The following SLC2A9 variants were observed in gnomAD, a reference collection of about 807,000 sequenced individuals.
SLC2A9 encodes the protein solute carrier family 2, facilitated glucose transporter member 9.
Under a neutral mutation model 50.6 loss-of-function variants are expected in SLC2A9, and 39 were observed. That is an observed-to-expected ratio of 0.77 (90% CI 0.60 to 1.01). The LOEUF (loss-of-function observed/expected upper bound fraction) is 1.01, where lower values mean the gene tolerates loss of function less well. SLC2A9 is among the 50% of genes least tolerant of loss of function. SLC2A9 has a pLI of 0.00. For synonymous variants in SLC2A9, 324 were observed against 276.9 expected, an observed-to-expected ratio of 1.17 and a Z score of -1.69; for missense variants, 686 against 677.6, an observed-to-expected ratio of 1.01 and a Z score of -0.14.
chr4:10,017,956 A>C (rs1290664359), intron 2 of SLC2A9, among the ~76,000 whole-genome samples: 2 of 151,390 alleles, frequency 1.3e-5, no homozygotes, highest in Admixed American at 6.6e-5. Flanking sequence ...CCCATCCATC[A>C]CTCCACCTTC....
chr4:9,969,703 A>G (rs1753590201), intron 5 of SLC2A9, among the ~76,000 whole-genome samples: 1 of 152,238 alleles, frequency 6.6e-6, no homozygotes, highest in African/African-American at 2.4e-5. Flanking sequence ...CATGTCTTAC[A>G]TGGCGGCAGG....
intron 10 of SLC2A9, among the ~76,000 whole-genome samples, chr4:9,872,904 T>C (rs1428146538): frequency 1.3e-5 from 2 of 152,254 alleles, no homozygotes; most frequent in African/African-American, 4.8e-5. Flanking sequence ...CTTTCAGCAA[T>C]GTGACCTCTC....
At chr4:10,031,572 T>G (rs536756672) in intron 1 of SLC2A9, among the ~76,000 whole-genome samples, 1 of 152,354 alleles carries the variant, frequency 6.6e-6, no homozygotes. Context: ...AAGCATCGTC[T>G]TAATGGGCAC....
At chr4:9,881,934 T>C (rs1317596329) in intron 10 of SLC2A9, among the ~76,000 whole-genome samples, 1 of 152,238 alleles carries the variant, frequency 6.6e-6, no homozygotes, top group Middle Eastern at 3.2e-3. Flanking sequence ...CATGTTGTGT[T>C]CCGCCTCAGT....
At chr4:9,874,048 C>T (rs1046715942) in intron 10 of SLC2A9, among the ~76,000 whole-genome samples, 3 of 152,134 alleles carry the variant, frequency 2.0e-5, no homozygotes, top group African/African-American at 7.2e-5. Flanking sequence ...GTGAGGCCCA[C>T]GATGATCTGG....
intron 7 of SLC2A9, among the ~76,000 whole-genome samples, chr4:9,910,787 G>A (rs1043120307): frequency 2.6e-5 from 4 of 152,224 alleles, no homozygotes; most frequent in Non-Finnish European, 5.9e-5. Flanking sequence ...TAGTAGGTTA[G>A]TGAAGAGAGT....
chr4:9,941,784 A>C, intron 6 of SLC2A9, 129 bp downstream of exon 6: 1 of 1,338,122 alleles, frequency 7.5e-7, no homozygotes, highest in East Asian at 2.5e-5. Flanking sequence ...TATGATACCC[A>C]GCCCAGTGCC....
At chr4:9,891,717 T>C (rs1363298769) in intron 8 of SLC2A9, among the ~76,000 whole-genome samples, 2 of 152,134 alleles carry the variant, frequency 1.3e-5, no homozygotes, top group East Asian at 3.9e-4. Flanking sequence ...TCAGAATCCA[T>C]GGCTTTTCTC....
chr4:9,930,386 T>G (rs771600580), intron 6 of SLC2A9, among the ~76,000 whole-genome samples: 6 of 152,214 alleles, frequency 3.9e-5, no homozygotes, highest in Admixed American at 6.5e-5. Context: ...CAGAAAGTCC[T>G]CTCTGTGCTT....
At chr4:10,010,979 T>C (rs1204593615) in intron 2 of SLC2A9, among the ~76,000 whole-genome samples, 2 of 152,186 alleles carry the variant, frequency 1.3e-5, no homozygotes, top group Admixed American at 6.5e-5. Context: ...GGGATCCTCC[T>C]ACAATCATAG....
chr4:9,863,846 G>A (rs1165656652), intron 10 of SLC2A9, among the ~76,000 whole-genome samples: 1 of 152,078 alleles, frequency 6.6e-6, no homozygotes, highest in Non-Finnish European at 1.5e-5. Flanking sequence ...GTCCAGGAAT[G>A]CCTCCAAGAA....
chr4:9,828,296 T>C (rs148507678), intron 11 of SLC2A9, among the ~76,000 whole-genome samples: 1 of 152,218 alleles, frequency 6.6e-6, no homozygotes, highest in Non-Finnish European at 1.5e-5. Flanking sequence ...CAAGCCACCA[T>C]CATGTTTTGC....
intron 8 of SLC2A9, among the ~76,000 whole-genome samples, chr4:9,898,238 A>G (rs1738925277): frequency 6.6e-6 from 1 of 152,220 alleles, no homozygotes; most frequent in African/African-American, 2.4e-5. Flanking sequence ...TTGCCTGCTA[A>G]ATGATTGAAT....
chr4:9,964,154 A>C (rs1158339611), intron 5 of SLC2A9, among the ~76,000 whole-genome samples: 1 of 152,210 alleles, frequency 6.6e-6, no homozygotes, highest in Non-Finnish European at 1.5e-5. Flanking sequence ...TATTAAAGCC[A>C]ATTTTGTATG....
chr4:9,775,346 T>C (rs1577234052), downstream of SLC2A9, among the ~76,000 whole-genome samples: 1 of 152,130 alleles, frequency 6.6e-6, no homozygotes, highest in African/African-American at 2.4e-5. Flanking sequence ...TCAGCCCCCA[T>C]GCAGCATCAG....
upstream of SLC2A9, among the ~76,000 whole-genome samples, chr4:10,021,760 C>G (rs561042126): frequency 6.6e-6 from 1 of 151,686 alleles, no homozygotes; most frequent in Non-Finnish European, 1.5e-5. Context: ...CCTAGGATAC[C>G]TCCCTAATGC....
intron 3 of SLC2A9, among the ~76,000 whole-genome samples, chr4:9,994,950 G>T (rs1758377826): frequency 6.6e-6 from 1 of 152,220 alleles, no homozygotes; most frequent in East Asian, 1.9e-4. Context: ...ATGCCTCAGG[G>T]ACCCTGGCCA....
chr4:9,838,068 G>T (rs1727377685), intron 10 of SLC2A9, among the ~76,000 whole-genome samples: 1 of 152,160 alleles, frequency 6.6e-6, no homozygotes, highest in African/African-American at 2.4e-5. Flanking sequence ...TCTTGTACAT[G>T]AAGGGCACTC....
intron 3 of SLC2A9, among the ~76,000 whole-genome samples, chr4:9,815,807 G>A (rs1357363997): frequency 6.6e-6 from 1 of 152,128 alleles, no homozygotes; most frequent in African/African-American, 2.4e-5. Flanking sequence ...TCTAAGCAAG[G>A]TAATGGCTAG....
Sources: gnomAD v4.1 joint callset for allele counts (sites outside exome capture counted in the v4.1 genomes callset) on GRCh38, gnomAD v4.1.1 for gene constraint, MANE v1.5 for transcripts, NCBI Gene and HGNC (gene_info 2026-07-23, HGNC 2026-07-21) for gene names.